Variants in EDIL3 observed in about 807,000 individuals in gnomAD.
The protein encoded by EDIL3 is EGF-like repeat and discoidin I-like domain-containing protein 3.
EDIL3 carries 37 observed loss-of-function variants against 67.4 expected under a neutral mutation model. The ratio of observed to expected loss-of-function variants is 0.55; its 90% CI spans 0.42 to 0.72. The LOEUF (loss-of-function observed/expected upper bound fraction) is 0.72, where lower values mean the gene tolerates loss of function less well. Among genes scored for constraint, EDIL3 ranks in the 30% least tolerant of loss-of-function variants. EDIL3 has a pLI of 0.00. For synonymous variants in EDIL3, 195 were observed against 196.3 expected (o/e 0.99, Z 0.05); for missense variants, 527 against 586.3 (o/e 0.90, Z 1.04).
intron 1 of EDIL3, among the ~76,000 whole-genome samples, chr5:84,312,156 C>T (rs1200945920): frequency 1.3e-5 from 2 of 151,556 alleles, no homozygotes; most frequent in African/African-American, 4.8e-5. Context: ...GCGCCCCTCA[C>T]CTCCCGGACC....
At chr5:84,135,488 T>C (rs559147855) in intron 5 of EDIL3, among the ~76,000 whole-genome samples, 1 of 152,364 alleles carries the variant, frequency 6.6e-6, no homozygotes, top group East Asian at 1.9e-4. Flanking sequence ...ATTAATAAGA[T>C]GTTCACTGAC....
chr5:84,267,791 AAAAT>A (rs1383101197), intron 1 of EDIL3, among the ~76,000 whole-genome samples: 2 of 152,240 alleles, frequency 1.3e-5, no homozygotes, highest in East Asian at 3.8e-4. Context: ...ATGAAATGAC[AAAAT>A]GACAGTAATG....
chr5:84,230,078 A>G (rs1170861186), intron 2 of EDIL3, among the ~76,000 whole-genome samples, 194 bp from the exon 3 acceptor site: 1 of 152,202 alleles, frequency 6.6e-6, no homozygotes, highest in Non-Finnish European at 1.5e-5. Context: ...TTAATAACAG[A>G]TTAATGAGTA....
In EDIL3 at chr5:84,208,661, G is replaced by C. The variant is rs1169525209; in HGVS notation, c.226+21194C>G. 3.9e-5 allele frequency among the ~76,000 whole-genome samples: 5 copies of C among 128,820 alleles called. No individual in the cohort carries two copies. The South Asian group carries it at 1.2e-3, about 32-fold the overall frequency. 84.5% of individuals were successfully genotyped at this position (128,820 alleles called of 152,430 possible). On this transcript the variant is annotated intron_variant, in intron 3 of 10. Coordinates refer to ENST00000296591, the MANE Select transcript of EDIL3 (RefSeq NM_005711.5). ...GCCACTGCAGTCCGCAGTCCGGCCT[G>C]GGCAACAGAGCGAGACTCCGTCTCA...
chr5:84,121,354 T>C (rs1747770424), intron 5 of EDIL3, among the ~76,000 whole-genome samples: 1 of 151,970 alleles, frequency 6.6e-6, no homozygotes, highest in African/African-American at 2.4e-5. Context: ...ATGTGCTAAT[T>C]TCACTGCTTA....
At chr5:83,964,619 C>T (rs1241600307) in intron 9 of EDIL3, among the ~76,000 whole-genome samples, 2 of 151,982 alleles carry the variant, frequency 1.3e-5, no homozygotes, top group East Asian at 3.9e-4. Flanking sequence ...AGATGCCCAT[C>T]AGCAAAGGTG....
chr5:84,053,940 C>G (rs565027068), intron 9 of EDIL3, among the ~76,000 whole-genome samples: 1 of 152,250 alleles, frequency 6.6e-6, no homozygotes, highest in South Asian at 2.1e-4. Flanking sequence ...AAGAGGGAAT[C>G]CTCCCTAACT....
chr5:84,233,813 G>A (rs570426299), intron 2 of EDIL3, among the ~76,000 whole-genome samples: 16 of 152,246 alleles, frequency 1.1e-4, no homozygotes, highest in African/African-American at 3.8e-4. Flanking sequence ...TGTAGACACA[G>A]AGGCTTGTGG....
At chr5:84,152,076 T>C (rs1748404936) in intron 4 of EDIL3, among the ~76,000 whole-genome samples, 1 of 151,946 alleles carries the variant, frequency 6.6e-6, no homozygotes, top group Non-Finnish European at 1.5e-5. Context: ...TGAGCCACCA[T>C]GCCCAGCTAA....
At chr5:83,984,390 G>C (rs967923659) in intron 9 of EDIL3, among the ~76,000 whole-genome samples, 2 of 152,100 alleles carry the variant, frequency 1.3e-5, no homozygotes, top group East Asian at 3.9e-4. Flanking sequence ...AGTATGTCTT[G>C]CCAGTAGTTG....
At chr5:84,137,961 G>T (rs959331922) in intron 4 of EDIL3, among the ~76,000 whole-genome samples, 48 of 152,152 alleles carry the variant, frequency 3.2e-4, no homozygotes, top group African/African-American at 1.1e-3. Context: ...ACTTACCTTT[G>T]ATATACTACT....
rs1020458223 is a variant in EDIL3 at position 84,313,267 on chromosome 5, A to G, written c.68-59055T>C. ...TGCAGCTCCACATTACATTAAGGGG[A>G]AAAATAACCTAAGTCATCTTGCTAT... is the stretch of plus-strand genomic sequence containing the variant. On this transcript the variant is annotated intron_variant, in intron 1 of 10. Transcript: ENST00000296591. Among the ~76,000 whole-genome samples the G allele has an allele frequency of 1.5e-4, 23 of 152,320 alleles. 1 individual carries two copies. Among genetic ancestry groups the G allele is most frequent in the Admixed American group, 1.4e-3 (21 of 15,300 alleles).
In EDIL3 at chr5:84,384,380, C is replaced by G. The variant is rs774282578; in HGVS notation, c.-6G>C. 1.9e-6 allele frequency: 3 copies of G among 1,612,170 alleles called. No homozygotes were observed. Among genetic ancestry groups the G allele is most frequent in the South Asian group, 2.2e-5 (2 of 90,762 alleles). The stretch of plus-strand genomic sequence containing the variant: ...ACGGCTACCGAGCGCTTCATGATCC[C>G]GTCTCCCGGACGTGACCCCGGCTGG... On this transcript the variant is annotated 5_prime_UTR_variant, in exon 1 of 11. Transcript: ENST00000296591.
intron 9 of EDIL3, among the ~76,000 whole-genome samples, chr5:84,029,256 C>CAAACA (rs372002997): frequency 0.011 from 1,692 of 151,982 alleles, 59 homozygotes; most frequent in East Asian, 0.092. Context: ...CTCCATCTCA[C>CAAACA]AAACAAAACA....
At chr5:84,317,319 G>A (rs1428153575) in intron 1 of EDIL3, among the ~76,000 whole-genome samples, 1 of 152,106 alleles carries the variant, frequency 6.6e-6, no homozygotes, top group African/African-American at 2.4e-5. Flanking sequence ...AATGAATCCA[G>A]GAGCTGATTT....
intron 1 of EDIL3, among the ~76,000 whole-genome samples, chr5:84,341,128 C>T (rs758352474): frequency 6.6e-6 from 1 of 152,038 alleles, no homozygotes; most frequent in Non-Finnish European, 1.5e-5. Context: ...GTTTATCTTG[C>T]CTGATGGATC....
chr5:84,294,520 G>GT, intron 1 of EDIL3, among the ~76,000 whole-genome samples: 1 of 151,256 alleles, frequency 6.6e-6, no homozygotes, highest in African/African-American at 2.4e-5. Flanking sequence ...ACAAATTTTA[G>GT]TTTTTTGGCA....
intron 1 of EDIL3, among the ~76,000 whole-genome samples, chr5:84,285,552 A>G (rs781161191): frequency 1.3e-5 from 2 of 152,264 alleles, no homozygotes; most frequent in Non-Finnish European, 2.9e-5. Flanking sequence ...AAACCAAAAC[A>G]CTTTGTCTGT....
intron 9 of EDIL3, among the ~76,000 whole-genome samples, chr5:83,975,394 G>T (rs1169096759): frequency 6.6e-6 from 1 of 151,844 alleles, no homozygotes; most frequent in Non-Finnish European, 1.5e-5. Flanking sequence ...ATTAGGTATA[G>T]AATTAATAAA....
Sources: gnomAD v4.1 joint callset for allele counts (sites outside exome capture counted in the v4.1 genomes callset) on GRCh38, gnomAD v4.1.1 for gene constraint, MANE v1.5 for transcripts, NCBI Gene and HGNC (gene_info 2026-07-23, HGNC 2026-07-21) for gene names.